The following BRINP1 variants were observed in gnomAD, a reference collection of about 807,000 sequenced individuals.
BRINP1 encodes BMP/retinoic acid-inducible neural-specific protein 1.
Under a neutral mutation model 72.9 loss-of-function variants are expected in BRINP1, and 17 were observed. The ratio of observed to expected loss-of-function variants is 0.23; its 90% confidence interval spans 0.16 to 0.35. The LOEUF is 0.35. BRINP1 is among the 10% of genes least tolerant of loss of function. The probability of loss-of-function intolerance (pLI) is 1.00; values close to 1 mark genes in which losing one functional copy is unlikely to be tolerated. For synonymous variants in BRINP1, 418 were observed against 378.5 expected (o/e 1.10, Z -1.21); for missense variants, 850 against 1,001.6 (o/e 0.85, Z 2.04).
chr9:119,345,512 G>C (rs1831440742), intron 1 of BRINP1, among the ~76,000 whole-genome samples: 1 of 152,102 alleles, frequency 6.6e-6, no homozygotes, highest in South Asian at 2.1e-4. Flanking sequence ...TCACCTCTTT[G>C]CTACCCCATC....
At chr9:119,318,844 G>GGGGTGT (rs111313745) in intron 1 of BRINP1, among the ~76,000 whole-genome samples, 2,100 of 142,208 alleles carry the variant, frequency 0.015, 37 homozygotes, top group African/African-American at 0.033. Context: ...AAATGTGTGG[G>GGGGTGT]GTGTGTGTGT....
At chr9:119,181,683 A>G (rs1829560062) in intron 7 of BRINP1, among the ~76,000 whole-genome samples, 3 of 152,204 alleles carry the variant, frequency 2.0e-5, no homozygotes. Flanking sequence ...CCAGTTGATC[A>G]TAGCCTAATA....
chr9:119,317,449 G>A (rs752969983), intron 1 of BRINP1, among the ~76,000 whole-genome samples: 2 of 152,168 alleles, frequency 1.3e-5, no homozygotes, highest in Non-Finnish European at 2.9e-5. Context: ...AACGGATGAC[G>A]AGTTGCTCCT....
At chr9:119,203,826 T>A (rs1232859099) in intron 7 of BRINP1, among the ~76,000 whole-genome samples, 1 of 152,186 alleles carries the variant, frequency 6.6e-6, no homozygotes, top group African/African-American at 2.4e-5. Flanking sequence ...TATCTGATAG[T>A]CACCTCTAGC....
At chr9:119,181,135 G>T (rs900731276) in intron 7 of BRINP1, among the ~76,000 whole-genome samples, 1 of 152,182 alleles carries the variant, frequency 6.6e-6, no homozygotes, top group African/African-American at 2.4e-5. Flanking sequence ...AGCTTCTCAA[G>T]GGTGACAGAA....
At chr9:119,336,498 T>C (rs1006143265) in intron 1 of BRINP1, among the ~76,000 whole-genome samples, 1 of 151,782 alleles carries the variant, frequency 6.6e-6, no homozygotes, top group Non-Finnish European at 1.5e-5. Flanking sequence ...ATTTGGACCT[T>C]TGGGGAACAC....
At chr9:119,191,440 A>G (rs955841647) in intron 7 of BRINP1, among the ~76,000 whole-genome samples, 2 of 151,894 alleles carry the variant, frequency 1.3e-5, no homozygotes, top group Non-Finnish European at 2.9e-5. Flanking sequence ...ATAAAGTTGA[A>G]TTATACAAAA....
At chr9:119,172,296 GA>G (rs1332549121) in intron 7 of BRINP1, among the ~76,000 whole-genome samples, 2 of 152,022 alleles carry the variant, frequency 1.3e-5, no homozygotes, top group Non-Finnish European at 2.9e-5. Context: ...TGATAAAGGG[GA>G]TATCACCACC....
At position 119,368,234 on chromosome 9, in the gene BRINP1, T is replaced by A. The variant is rs901869834; in HGVS notation, c.-51+822A>T. Among the ~76,000 whole-genome samples the A allele has an allele frequency of 2.6e-5, 4 of 152,144 alleles. No individual in the cohort carries two copies. Among genetic ancestry groups the A allele is most frequent in the African/African-American group, 7.2e-5 (3 of 41,434 alleles). ...TATCCCAGACTTTCCAAGCCCCAGATAAGGAGCCCACCGCTGACTTCCCCC... is the reference window on the plus strand; with the variant it reads ...TATCCCAGACTTTCCAAGCCCCAGAAAAGGAGCCCACCGCTGACTTCCCCC... On this transcript the variant is annotated intron_variant, in intron 1 of 7. Transcript: ENST00000265922. This position sits in a 1 kb window ranked among gnomAD's most constrained non-coding sequence, Gnocchi z 4.7.
chr9:119,227,522 A>G (rs963980315), intron 5 of BRINP1, among the ~76,000 whole-genome samples: 1 of 152,062 alleles, frequency 6.6e-6, no homozygotes, highest in Admixed American at 6.6e-5. Context: ...GAAGACACGA[A>G]AGGCACTGCT....
At position 119,313,421 on chromosome 9, in the gene BRINP1, T is replaced by G; in HGVS notation, c.-50-16A>C. The G allele has an allele frequency of 2.8e-6, 4 of 1,446,416 alleles. No homozygotes were observed. Among genetic ancestry groups the G allele is most frequent in the Admixed American group, 2.5e-5 (1 of 39,468 alleles). 89.6% of individuals were successfully genotyped at this position (1,446,416 alleles called of 1,614,324 possible). The stretch of plus-strand genomic sequence containing the variant: ...CTGTGGAGTCCTATAGAAGAAAGAA[T>G]AAAAAAGAGAGAGAAAAAAAGAGAA... On this transcript the variant is annotated splice_polypyrimidine_tract_variant and intron_variant, in intron 1 of 7. Coordinates refer to ENST00000265922, the MANE Select transcript of BRINP1 (RefSeq NM_014618.3).
intron 6 of BRINP1, among the ~76,000 whole-genome samples, chr9:119,211,170 T>TTATTTATTTATTTATTTATTTATA (rs1829922692): frequency 8.1e-6 from 1 of 123,444 alleles, no homozygotes; most frequent in South Asian, 2.3e-4. Context: ...TTAACTTTAT[T>TTATTTATTTATTTATTTATTTATA]TATTTATTTA....
intron 2 of BRINP1, among the ~76,000 whole-genome samples, chr9:119,255,903 C>T (rs559023123): frequency 1.5e-5 from 2 of 130,958 alleles, no homozygotes; most frequent in African/African-American, 2.9e-5. Context: ...TGCAGTGAGC[C>T]GGGATCGAGC....
chr9:119,167,456 C>T lies in BRINP1; in HGVS notation c.1914G>A (p.Val638=), dbSNP rs187588297. The part of the protein sequence containing the change: ...LLRNETGQGP[V]DLSDPSKRQF... ...GCCTCTTGGAGGGATCCGACAGGTC[C>T]ACGGGGCCCTGGCCAGTCTCATTTC... Residue 638 remains valine (V), a synonymous_variant, in exon 8 of 8, where the codon GTG becomes GTA. Transcript: ENST00000265922. This position sits in a 1 kb window ranked among gnomAD's most constrained non-coding sequence, Gnocchi z 4.3. 6.2e-7 allele frequency: 1 copy of T among 1,614,066 alleles called. No homozygotes were observed. Among genetic ancestry groups the T allele is most frequent in the Non-Finnish European group, 8.5e-7 (1 of 1,179,998 alleles).
At chr9:119,217,519 A>T (rs1267675977) in intron 5 of BRINP1, among the ~76,000 whole-genome samples, 1 of 152,104 alleles carries the variant, frequency 6.6e-6, no homozygotes, top group Non-Finnish European at 1.5e-5. Flanking sequence ...TTTTCTCCCA[A>T]TCTTTTTATA....
intron 1 of BRINP1, among the ~76,000 whole-genome samples, chr9:119,324,225 C>A (rs191036938): frequency 0.01 from 1,578 of 151,906 alleles, 36 homozygotes; most frequent in African/African-American, 0.036. Flanking sequence ...AAAAAAAATT[C>A]TTAGAATTTC....
chr9:119,334,982 C>G (rs1470033854), intron 1 of BRINP1, among the ~76,000 whole-genome samples: 2 of 152,204 alleles, frequency 1.3e-5, no homozygotes, highest in East Asian at 3.9e-4. Context: ...TCCAGATATA[C>G]TGTGGGAGCT....
chr9:119,192,629 C>A (rs535753652), intron 7 of BRINP1, among the ~76,000 whole-genome samples: 6 of 152,106 alleles, frequency 3.9e-5, no homozygotes, highest in African/African-American at 1.4e-4. Context: ...GAAAAGGAAA[C>A]CTTTCTATAC....
chr9:119,294,693 C>T, intron 2 of BRINP1, among the ~76,000 whole-genome samples: 1 of 151,836 alleles, frequency 6.6e-6, no homozygotes, highest in Non-Finnish European at 1.5e-5. Context: ...TAGTAAAACC[C>T]CATCTCTACT....
Sources: gnomAD v4.1 joint callset for allele counts (sites outside exome capture counted in the v4.1 genomes callset) on GRCh38, gnomAD v4.1.1 for gene constraint, Gnocchi (gnomAD v3.1) non-coding constraint, MANE v1.5 for transcripts, NCBI Gene and HGNC (gene_info 2026-07-23, HGNC 2026-07-21) for gene names.